PGAP2: variants seen among roughly 807,000 people sequenced by gnomAD.
The protein encoded by PGAP2 is acyltransferase PGAP2.
A neutral mutation model predicts 33.2 loss-of-function variants in PGAP2; 21 were observed. The observed-to-expected ratio is 0.63, with a 90% confidence interval of 0.45 to 0.91. PGAP2 has a LOEUF of 0.91. Among genes scored for constraint, PGAP2 ranks in the 40% least tolerant of loss-of-function variants. PGAP2 has a pLI of 0.00. For synonymous variants in PGAP2, 161 were observed against 172.9 expected (o/e 0.93, Z 0.54); for missense variants, 345 against 424.0 (o/e 0.81, Z 1.64).
intron 3 of PGAP2, among the ~76,000 whole-genome samples, chr11:3,822,265 G>A (rs1056928915): frequency 2.6e-5 from 4 of 152,130 alleles, no homozygotes; most frequent in Middle Eastern, 6.8e-3. Flanking sequence ...TCGGGAGGCT[G>A]AGGCAGGAGA....
upstream of PGAP2, chr11:3,808,284 C>T: frequency 1.9e-6 from 3 of 1,551,472 alleles, no homozygotes; most frequent in Non-Finnish European, 2.6e-6. Flanking sequence ...ATTTTGTGTT[C>T]TTTCAACAGG....
rs200776514 is a variant in PGAP2, at chr11:3,825,279, C to T, written c.818-49C>T. ...TGTGATTTATCAAGAGGCCTCTGAG[C>T]GGGTAGCTGGAAGTTCACCATGTCC... On this transcript the variant is annotated intron_variant, in intron 6 of 6. Transcript: ENST00000278243. 1.7e-4 allele frequency: 274 copies of T among 1,597,444 alleles called. 1 individual carries two copies. The highest frequency in any genetic ancestry group is 5.0e-4 in the Middle Eastern group (3 of 5,950).
In PGAP2 at chr11:3,823,668, T is replaced by A. The variant is rs1194283002; in HGVS notation, c.349-215T>A. On this transcript the variant is annotated intron_variant, in intron 3 of 6. Coordinates refer to ENST00000278243, the MANE Select transcript of PGAP2 (RefSeq NM_014489.4). ...AGGTGCCACCATGCTGCTGCACAAA[T>A]CCCAGGATAGCTGGGGAATGAGAAT... 4 of 1,555,902 alleles carry A rather than the reference T, an allele frequency of 2.6e-6. No individual in the cohort carries two copies. The South Asian group carries it at 4.6e-5, about 18-fold the overall frequency.
rs202073184 is a variant in PGAP2 at position 3,824,267 on chromosome 11, C to T, written c.602-3C>T. ...TGTGGCTCCCAATCCTCTTTCCCTC[C>T]AGCCATCCACGAAAATGCTTTCATT... On this transcript the variant is annotated splice_region_variant and splice_polypyrimidine_tract_variant and intron_variant, in intron 4 of 6. Transcript: ENST00000278243. The T allele has an allele frequency of 2.1e-5, 34 of 1,614,180 alleles. No individual in the cohort carries two copies. The African/African-American group carries it at 2.1e-4, about 10-fold the overall frequency.
At chr11:3,806,079 A>G (rs183854750), upstream of PGAP2, among the ~76,000 whole-genome samples, 1 of 152,296 alleles carries the variant, frequency 6.6e-6, no homozygotes, top group Non-Finnish European at 1.5e-5. Context: ...TTCCCAAATC[A>G]CCAGAGAATT....
chr11:3,821,689 C>T (rs1049924596), intron 3 of PGAP2, among the ~76,000 whole-genome samples: 9 of 151,342 alleles, frequency 5.9e-5, no homozygotes, highest in South Asian at 4.2e-4. Context: ...CCGCAGGAAG[C>T]GGAGGTTGCA....
At chr11:3,801,089 G>C (rs975461749) in intron 1 of PGAP2, among the ~76,000 whole-genome samples, 2 of 151,310 alleles carry the variant, frequency 1.3e-5, no homozygotes, top group African/African-American at 4.9e-5. Context: ...AGCTGAGATG[G>C]CACCATTGCA....
exon 1 of PGAP2, chr11:3,797,867 C>G: frequency 6.5e-7 from 1 of 1,550,152 alleles, no homozygotes; most frequent in South Asian, 1.2e-5. Flanking sequence ...GAAGCACCGG[C>G]GGGGTGTCGG....
chr11:3,822,591 G>A (rs2089061266), intron 3 of PGAP2, among the ~76,000 whole-genome samples: 1 of 152,126 alleles, frequency 6.6e-6, no homozygotes, highest in Non-Finnish European at 1.5e-5. Context: ...TCATGATCAT[G>A]CTATTGCACT....
Position 3,808,563 on chromosome 11 carries a change from C to T in PGAP2, c.-99C>T, listed in dbSNP as rs1027174959. On this transcript the variant is annotated 5_prime_UTR_variant, in exon 1 of 7. Coordinates refer to ENST00000278243, the MANE Select transcript of PGAP2 (RefSeq NM_014489.4). ...GAGCGCCGGCCCCGCCCCCGCCGTT[C>T]GCGCTCTGACCAGCCCGCAGAGCCA... 51 of 1,388,822 alleles carry T rather than the reference C, an allele frequency of 3.7e-5. No homozygotes were observed. The highest frequency in any genetic ancestry group is 4.6e-5 in the Non-Finnish European group (49 of 1,072,416). 86.0% of individuals were successfully genotyped at this position (1,388,822 alleles called of 1,614,324 possible).
At chr11:3,798,374 G>C (rs181912526) in intron 1 of PGAP2, among the ~76,000 whole-genome samples, 50 of 152,284 alleles carry the variant, frequency 3.3e-4, no homozygotes, top group African/African-American at 1.2e-3. Context: ...TTGTCGCCTA[G>C]GGTGGAGTGC....
chr11:3,825,505 A>G lies in PGAP2; in HGVS notation c.*47A>G, dbSNP rs748367473. ...GGACGCAGCCCACTGCCCAGAAACAAGAAACACGATACCATTCTGGCCTTC... is the reference window on the plus strand; with the variant it reads ...GGACGCAGCCCACTGCCCAGAAACAGGAAACACGATACCATTCTGGCCTTC... On this transcript the variant is annotated 3_prime_UTR_variant, in exon 7 of 7. Coordinates refer to ENST00000278243, the MANE Select transcript of PGAP2 (RefSeq NM_014489.4). 1.2e-5 allele frequency: 19 copies of G among 1,591,662 alleles called. No individual in the cohort carries two copies. Among genetic ancestry groups the G allele is most frequent in the East Asian group, 4.5e-5 (2 of 44,678 alleles).
chr11:3,802,847 G>C (rs1287903423), intron 1 of PGAP2, among the ~76,000 whole-genome samples: 1 of 146,310 alleles, frequency 6.8e-6, no homozygotes, highest in East Asian at 2.0e-4. Flanking sequence ...TTTTTTTTGA[G>C]ATGGAGACTG....
intron 1 of PGAP2, among the ~76,000 whole-genome samples, chr11:3,801,667 G>A (rs10767610): frequency 0.64 from 91,769 of 142,554 alleles, 30,850 homozygotes; most frequent in East Asian, 0.79. Flanking sequence ...AAAAGTTTCC[G>A]GGCACGGGGG....
At chr11:3,822,339 A>G (rs542426909) in intron 3 of PGAP2, among the ~76,000 whole-genome samples, 19 of 152,102 alleles carry the variant, frequency 1.2e-4, no homozygotes, top group Non-Finnish European at 1.3e-4. Context: ...ACTCCAGCCT[A>G]GGCGACAGTG....
At chr11:3,804,110 G>T (rs985011906), upstream of PGAP2, among the ~76,000 whole-genome samples, 16 of 152,058 alleles carry the variant, frequency 1.1e-4, no homozygotes, top group Non-Finnish European at 2.9e-5. Context: ...CACTATACTA[G>T]TTTGAAAGTT....
intron 3 of PGAP2, among the ~76,000 whole-genome samples, chr11:3,821,221 C>T (rs2088549020): frequency 6.6e-6 from 1 of 152,094 alleles, no homozygotes; most frequent in African/African-American, 2.4e-5. Context: ...CTGTGGGCTG[C>T]CCTATGAGCC....
At chr11:3,818,818 T>C (rs2087779594) in intron 3 of PGAP2, among the ~76,000 whole-genome samples, 3 of 152,258 alleles carry the variant, frequency 2.0e-5, no homozygotes, top group Admixed American at 2.0e-4. Flanking sequence ...GGGGTTCCTA[T>C]TATGATTAAA....
upstream of PGAP2, among the ~76,000 whole-genome samples, chr11:3,807,499 G>A (rs1316097194): frequency 6.6e-6 from 1 of 151,428 alleles, no homozygotes; most frequent in Admixed American, 6.6e-5. Flanking sequence ...GTAGAGACGG[G>A]GTTTCGCCAT....
Sources: gnomAD v4.1 joint callset for allele counts (sites outside exome capture counted in the v4.1 genomes callset) on GRCh38, gnomAD v4.1.1 for gene constraint, MANE v1.5 for transcripts, NCBI Gene and HGNC (gene_info 2026-07-23, HGNC 2026-07-21) for gene names.